RGS7: variants seen among roughly 807,000 people sequenced by gnomAD.
The protein encoded by RGS7 is regulator of G-protein signaling 7.
RGS7 carries 27 observed loss-of-function variants against 81.1 expected under a neutral mutation model. The ratio of observed to expected loss-of-function variants is 0.33; its 90% CI spans 0.25 to 0.46. The LOEUF (loss-of-function observed/expected upper bound fraction) is 0.46, where lower values mean the gene tolerates loss of function less well. Among genes scored for constraint, RGS7 ranks in the 20% least tolerant of loss-of-function variants. RGS7 has a pLI of 1.00. For missense variants in RGS7, 396 were observed against 607.4 expected, an observed-to-expected ratio of 0.65 and a Z score of 3.66; for synonymous variants, 208 against 207.7, an observed-to-expected ratio of 1.00 and a Z score of -0.01.
intron 9 of RGS7, among the ~76,000 whole-genome samples, chr1:240,851,807 C>T (rs1275346168): frequency 1.3e-5 from 2 of 152,070 alleles, no homozygotes; most frequent in Non-Finnish European, 2.9e-5. Flanking sequence ...GTGGAAATAG[C>T]GAGAGAACTA....
At chr1:241,057,245 G>T (rs2061519619) in intron 3 of RGS7, among the ~76,000 whole-genome samples, 1 of 152,114 alleles carries the variant, frequency 6.6e-6, no homozygotes, top group African/African-American at 2.4e-5. Context: ...CAGACTAGAA[G>T]TCAGTTATTT....
intron 2 of RGS7, among the ~76,000 whole-genome samples, chr1:241,142,817 A>C (rs1178867225): frequency 3.3e-5 from 5 of 152,008 alleles, no homozygotes; most frequent in African/African-American, 1.2e-4. Flanking sequence ...AGAAAACGGG[A>C]TTTTCTTTTC....
intron 2 of RGS7, among the ~76,000 whole-genome samples, chr1:241,314,225 T>C (rs558000648): frequency 1.3e-5 from 2 of 152,322 alleles, no homozygotes; most frequent in African/African-American, 4.8e-5. Flanking sequence ...GAGAAATCTT[T>C]CGTGAAAGAA....
chr1:241,208,200 G>A (rs1457686195), intron 2 of RGS7, among the ~76,000 whole-genome samples: 1 of 152,070 alleles, frequency 6.6e-6, no homozygotes, highest in Non-Finnish European at 1.5e-5. Flanking sequence ...CACCGCGCCT[G>A]GACCATCTTT....
intron 3 of RGS7, among the ~76,000 whole-genome samples, chr1:241,051,907 T>C (rs1337149784): frequency 1.3e-5 from 2 of 152,268 alleles, no homozygotes; most frequent in Non-Finnish European, 2.9e-5. Context: ...TTGAAGAGGT[T>C]AAAGAACTTG....
intron 5 of RGS7, among the ~76,000 whole-genome samples, chr1:240,932,942 G>A (rs1029151153): frequency 1.5e-5 from 2 of 131,490 alleles, no homozygotes; most frequent in African/African-American, 3.0e-5. Context: ...GGACTGCAGT[G>A]GCGCGATCTC....
intron 3 of RGS7, among the ~76,000 whole-genome samples, chr1:241,055,241 C>T (rs1195607456): frequency 6.6e-6 from 1 of 152,128 alleles, no homozygotes; most frequent in Non-Finnish European, 1.5e-5. Flanking sequence ...TCAGATCCCA[C>T]AGGTTAACGG....
At chr1:240,896,361 G>A (rs1008049804) in intron 6 of RGS7, among the ~76,000 whole-genome samples, 30 of 152,100 alleles carry the variant, frequency 2.0e-4, no homozygotes, top group African/African-American at 4.3e-4. Flanking sequence ...CCTCGCCCAC[G>A]CCTATGTCCT....
At chr1:240,834,916 CCACACACACACACACACACACACACACA>C (rs67071227) in intron 9 of RGS7, among the ~76,000 whole-genome samples, 1 of 144,518 alleles carries the variant, frequency 6.9e-6, no homozygotes, top group Non-Finnish European at 1.5e-5. Context: ...ACCTTACACT[CCACACACACACACACACACACACACACA>C]CACACACACA....
chr1:241,113,099 G>T (rs1443277650), intron 2 of RGS7, among the ~76,000 whole-genome samples: 2 of 152,126 alleles, frequency 1.3e-5, no homozygotes, highest in African/African-American at 4.8e-5. Context: ...CCAAGCCTTG[G>T]CACACAAACA....
chr1:241,118,983 AG>A (rs2066058670), intron 2 of RGS7, among the ~76,000 whole-genome samples: 1 of 152,188 alleles, frequency 6.6e-6, no homozygotes, highest in Admixed American at 6.5e-5. Flanking sequence ...TACTTTCATC[AG>A]TATGCAATAT....
chr1:241,055,081 T>C (rs2061415120), intron 3 of RGS7, among the ~76,000 whole-genome samples: 1 of 152,172 alleles, frequency 6.6e-6, no homozygotes, highest in Non-Finnish European at 1.5e-5. Flanking sequence ...TAAGGGAAAG[T>C]ATTTTGTGAT....
chr1:241,043,800 G>A (rs976254205), intron 3 of RGS7, among the ~76,000 whole-genome samples: 2 of 151,830 alleles, frequency 1.3e-5, no homozygotes, highest in Non-Finnish European at 2.9e-5. Flanking sequence ...AAGTAATCTA[G>A]AGATGTTTTA....
At chr1:241,071,874 C>CAAAAAAAACAAAAAAAAAAAAAAA (rs2062475271) in intron 3 of RGS7, among the ~76,000 whole-genome samples, 1 of 56,856 alleles carries the variant, frequency 1.8e-5, no homozygotes, top group Non-Finnish European at 2.9e-5. Context: ...GAGACCCTGT[C>CAAAAAAAACAAAAAAAAAAAAAAA]AAAAAAAAAA....
At position 241,332,803 on chromosome 1, in the gene RGS7, A is replaced by G. The variant is rs76031686; in HGVS notation, c.78+22896T>C. ...ATACAGTAAAGCCTCTCAATTCTGC[A>G]TGCAATTTGACATGAACAGAAGGAA... On this transcript the variant is annotated intron_variant, in intron 2 of 18. Transcript: ENST00000440928. Among the ~76,000 whole-genome samples, 161 of 152,330 alleles carry G rather than the reference A, an allele frequency of 1.1e-3. 2 individuals are homozygous for G. The highest frequency in any genetic ancestry group is 3.7e-3 in the African/African-American group (152 of 41,576).
chr1:241,046,136 T>G (rs1401591277), intron 3 of RGS7, among the ~76,000 whole-genome samples: 2 of 152,182 alleles, frequency 1.3e-5, no homozygotes, highest in African/African-American at 4.8e-5. Context: ...CTGCTGAGAT[T>G]TGGGGTAGAT....
chr1:241,280,084 T>G (rs1438482070), intron 2 of RGS7, among the ~76,000 whole-genome samples: 1 of 152,214 alleles, frequency 6.6e-6, no homozygotes, highest in South Asian at 2.1e-4. Flanking sequence ...AACAAGATCT[T>G]ACTTGGAAAT....
intron 3 of RGS7, among the ~76,000 whole-genome samples, chr1:241,023,426 T>C (rs1290953310): frequency 6.6e-6 from 1 of 152,230 alleles, no homozygotes; most frequent in African/African-American, 2.4e-5. Context: ...AAAGTCATCA[T>C]CAATGAAGAC....
At chr1:241,149,236 G>C (rs1264593189) in intron 2 of RGS7, among the ~76,000 whole-genome samples, 1 of 151,828 alleles carries the variant, frequency 6.6e-6, no homozygotes, top group South Asian at 2.1e-4. Context: ...GCGCAATCTC[G>C]GCTCACTGCA....
Sources: allele counts gnomAD v4.1 joint callset (sites outside exome capture counted in the v4.1 genomes callset), GRCh38; gene constraint gnomAD v4.1.1; transcripts MANE v1.5; gene names NCBI Gene and HGNC (gene_info 2026-07-23, HGNC 2026-07-21).